Variants in EXOC4 observed in about 807,000 individuals in gnomAD.
EXOC4 encodes SEC8-like 1.
Under a neutral mutation model 107.2 loss-of-function variants are expected in EXOC4, and 71 were observed. The observed-to-expected ratio is 0.66, with a 90% CI of 0.55 to 0.81. The LOEUF is 0.81. Among genes scored for constraint, EXOC4 ranks in the 30% least tolerant of loss-of-function variants. The pLI, the probability that EXOC4 is intolerant of heterozygous loss-of-function variation, is 0.00. For synonymous variants in EXOC4, 456 were observed against 441.2 expected, an observed-to-expected ratio of 1.03 and a Z score of -0.42; for missense variants, 1,108 against 1,189.6, an observed-to-expected ratio of 0.93 and a Z score of 1.01.
At chr7:133,568,342 A>C (rs1362011340) in intron 9 of EXOC4, among the ~76,000 whole-genome samples, 1 of 151,996 alleles carries the variant, frequency 6.6e-6, no homozygotes, top group Non-Finnish European at 1.5e-5. Flanking sequence ...TTTGCCATGC[A>C]GAAATATTTA....
downstream of EXOC4, among the ~76,000 whole-genome samples, chr7:134,071,413 T>C (rs1237864762): frequency 6.6e-6 from 1 of 152,240 alleles, no homozygotes; most frequent in East Asian, 1.9e-4. Context: ...GATGGCAGAC[T>C]GGTGTCCTAA....
chr7:133,387,246 A>AT lies in EXOC4; in HGVS notation c.1182+12248dup, dbSNP rs910609664. On this transcript the variant is annotated intron_variant, in intron 7 of 17. Coordinates refer to ENST00000253861, the MANE Select transcript of EXOC4 (RefSeq NM_021807.4). ...GGTTGAAGAGGTTTACAGAAGGCAAATTTTGATTCATTTTGAAAGATATGT... is the reference window on the plus strand; with the variant it reads ...GGTTGAAGAGGTTTACAGAAGGCAAATTTTTGATTCATTTTGAAAGATATGT... Among the ~76,000 whole-genome samples the AT allele has an allele frequency of 9.2e-5, 14 of 152,174 alleles. 1 individual carries two copies. The highest frequency in any genetic ancestry group is 3.4e-4 in the African/African-American group (14 of 41,442).
intron 9 of EXOC4, among the ~76,000 whole-genome samples, chr7:133,517,662 A>G (rs1323915679): frequency 6.7e-6 from 1 of 149,830 alleles, no homozygotes; most frequent in Non-Finnish European, 1.5e-5. Flanking sequence ...CACTATCATA[A>G]GAATAGCATG....
chr7:133,321,929 G>A (rs1171362200), intron 5 of EXOC4, among the ~76,000 whole-genome samples: 1 of 152,202 alleles, frequency 6.6e-6, no homozygotes, highest in African/African-American at 2.4e-5. Context: ...ACTGGTGTGA[G>A]ATGGTATCTC....
intron 14 of EXOC4, among the ~76,000 whole-genome samples, chr7:133,990,082 G>A (rs1359062116): frequency 1.3e-5 from 2 of 151,978 alleles, no homozygotes; most frequent in East Asian, 1.9e-4. Flanking sequence ...ATCAAATCAG[G>A]GTAACTGGGA....
intron 13 of EXOC4, among the ~76,000 whole-genome samples, chr7:133,924,393 T>C (rs1413439807): frequency 6.6e-6 from 1 of 152,236 alleles, no homozygotes; most frequent in African/African-American, 2.4e-5. Flanking sequence ...CTTATAGGTA[T>C]CTTCAATAGC....
chr7:133,490,608 C>T (rs1446195727), intron 9 of EXOC4, among the ~76,000 whole-genome samples: 1 of 152,104 alleles, frequency 6.6e-6, no homozygotes, highest in Non-Finnish European at 1.5e-5. Flanking sequence ...AATTAAGGAA[C>T]TCAGTTTATA....
chr7:133,575,606 C>T (rs886668976), intron 9 of EXOC4, among the ~76,000 whole-genome samples: 25 of 152,074 alleles, frequency 1.6e-4, no homozygotes, highest in Non-Finnish European at 7.4e-5. Context: ...GTTCATTGTC[C>T]GAAGAGAACC....
At chr7:133,905,885 G>C (rs969454690) in intron 12 of EXOC4, among the ~76,000 whole-genome samples, 1 of 152,082 alleles carries the variant, frequency 6.6e-6, no homozygotes. Flanking sequence ...GAGCTGGCAC[G>C]GGGCTAGGCA....
At chr7:133,997,411 T>G (rs746019211) in intron 14 of EXOC4, 81 bp from the exon 15 acceptor site, 9 of 1,527,804 alleles carry the variant, frequency 5.9e-6, no homozygotes, top group Non-Finnish European at 8.1e-6. Flanking sequence ...AAAAACAAGA[T>G]GAACAGCAAA....
At position 133,696,601 on chromosome 7, in the gene EXOC4, C is replaced by T. The variant is rs530230488; in HGVS notation, c.1514+66460C>T. On this transcript the variant is annotated intron_variant, in intron 10 of 17. Transcript: ENST00000253861. ...AACAGTATTTTAAATGCAAAACAAA[C>T]GTATGTTTCCACTCAAATTCTGGTC... is the stretch of plus-strand genomic sequence containing the variant. Among the ~76,000 whole-genome samples the T allele has an allele frequency of 8.5e-5, 13 of 152,234 alleles. No individual in the cohort carries two copies. The South Asian group carries it at 1.7e-3, about 19-fold the overall frequency.
At chr7:133,456,647 C>A (rs1798469455) in intron 7 of EXOC4, among the ~76,000 whole-genome samples, 1 of 152,124 alleles carries the variant, frequency 6.6e-6, no homozygotes, top group Non-Finnish European at 1.5e-5. Context: ...GCAGGTGTAC[C>A]TTCCCAAGTT....
At chr7:133,634,725 G>A (rs797008815) in intron 10 of EXOC4, among the ~76,000 whole-genome samples, 3 of 152,106 alleles carry the variant, frequency 2.0e-5, no homozygotes, top group Admixed American at 6.5e-5. Context: ...CAGGTGATCC[G>A]CCCGCCTCGG....
At chr7:133,843,215 G>A (rs1396893055) in intron 11 of EXOC4, among the ~76,000 whole-genome samples, 1 of 152,062 alleles carries the variant, frequency 6.6e-6, no homozygotes, top group Non-Finnish European at 1.5e-5. Flanking sequence ...AAACGTCATT[G>A]GTAGTTTGAT....
chr7:133,425,311 G>A lies in EXOC4; in HGVS notation c.1183-50017G>A, dbSNP rs146209991. On this transcript the variant is annotated intron_variant, in intron 7 of 17. Transcript: ENST00000253861. ...CTTTTTTTGTTCGTTTGTTTGAGAT[G>A]GAGTCTCGCTCTGTCACCTAGGCTG... Among the ~76,000 whole-genome samples, 184 of 152,234 alleles carry A rather than the reference G, an allele frequency of 1.2e-3. 1 individual carries two copies. The highest frequency in any genetic ancestry group is 4.2e-3 in the African/African-American group (175 of 41,554).
At chr7:133,953,151 A>G (rs2953636) in intron 14 of EXOC4, among the ~76,000 whole-genome samples, 45,594 of 152,180 alleles carry the variant, frequency 0.3, 7,251 homozygotes, top group Non-Finnish European at 0.34. Flanking sequence ...TGATAATAAT[A>G]TATGCTAAGA....
intron 10 of EXOC4, among the ~76,000 whole-genome samples, chr7:133,786,114 G>GCAGAA (rs1796564482): frequency 6.6e-6 from 1 of 152,114 alleles, no homozygotes; most frequent in East Asian, 1.9e-4. Flanking sequence ...ATACAAAAAA[G>GCAGAA]CAGAACTTTT....
At chr7:133,579,058 G>T (rs1801194887) in intron 9 of EXOC4, among the ~76,000 whole-genome samples, 1 of 152,144 alleles carries the variant, frequency 6.6e-6, no homozygotes, top group South Asian at 2.1e-4. Flanking sequence ...AAGATGTCCT[G>T]TCAGAACTGA....
At chr7:133,866,951 G>T (rs1040906485) in intron 11 of EXOC4, among the ~76,000 whole-genome samples, 1 of 152,194 alleles carries the variant, frequency 6.6e-6, no homozygotes. Flanking sequence ...TCTGTCCATC[G>T]TCGTCTTTGC....
Sources: allele counts gnomAD v4.1 joint callset (sites outside exome capture counted in the v4.1 genomes callset), GRCh38; gene constraint gnomAD v4.1.1; transcripts MANE v1.5; gene names NCBI Gene and HGNC (gene_info 2026-07-23, HGNC 2026-07-21).